Variants in CCDC66 observed in about 807,000 individuals in gnomAD.
CCDC66 encodes coiled-coil domain containing 66.
In CCDC66, 133 loss-of-function variants were observed where a neutral mutation model predicts 128.3. The observed-to-expected ratio is 1.04, with a 90% CI of 0.90 to 1.20. CCDC66 has a LOEUF of 1.20. CCDC66 is among the 50% of genes most tolerant of loss of function. The probability of loss-of-function intolerance (pLI) is 0.00; values close to 1 mark genes in which losing one functional copy is unlikely to be tolerated. For synonymous variants in CCDC66, 387 were observed against 357.0 expected, an observed-to-expected ratio of 1.08 and a Z score of -0.95; for missense variants, 1,126 against 1,075.5, an observed-to-expected ratio of 1.05 and a Z score of -0.66.
chr3:56,565,752 C>T lies in CCDC66; in HGVS notation c.545-842C>T, dbSNP rs1305522110. Among the ~76,000 whole-genome samples the T allele has an allele frequency of 4.0e-5, 6 of 150,310 alleles. No homozygotes were observed. The South Asian group carries it at 8.5e-4, about 21-fold the overall frequency. ...TGCGATCTCGGCTCACTGCAAGCTC[C>T]GCCTCCCAGGTTCACGCCATTCTCC... On this transcript the variant is annotated intron_variant, in intron 4 of 17. Transcript: ENST00000394672.
At chr3:56,599,527 AT>A (rs1432858574) in intron 10 of CCDC66, among the ~76,000 whole-genome samples, 12 of 151,914 alleles carry the variant, frequency 7.9e-5, no homozygotes, top group African/African-American at 2.7e-4. Context: ...ATAGGCACTT[AT>A]TGCTAAAATT....
chr3:56,572,292 G>A, intron 7 of CCDC66: 2 of 1,114,304 alleles, frequency 1.8e-6, no homozygotes, highest in Non-Finnish European at 2.4e-6. Context: ...TTTGGGTAAA[G>A]AAACAGTGTC....
chr3:56,612,216 G>A (rs1441736064), intron 10 of CCDC66, among the ~76,000 whole-genome samples: 1 of 152,202 alleles, frequency 6.6e-6, no homozygotes, highest in African/African-American at 2.4e-5. Flanking sequence ...TGGTGGTTGG[G>A]TAGGCACTTT....
intron 7 of CCDC66, among the ~76,000 whole-genome samples, chr3:56,582,852 A>G (rs200041518): frequency 1.1e-5 from 1 of 91,172 alleles, no homozygotes; most frequent in African/African-American, 5.3e-5. Context: ...AACTTTCTTT[A>G]TTATTATTAT....
Position 56,576,869 on chromosome 3 carries a change from C to T in CCDC66, c.936+5567C>T, listed in dbSNP as rs555953848. On this transcript the variant is annotated intron_variant, in intron 7 of 17. Transcript: ENST00000394672. ...AAGTCTTTGCTATTGTGAATAGTGCCGCAGTAAACATACGTATGCATGTGT... is the reference window on the plus strand; with the variant it reads ...AAGTCTTTGCTATTGTGAATAGTGCTGCAGTAAACATACGTATGCATGTGT... Among the ~76,000 whole-genome samples the T allele has an allele frequency of 2.2e-4, 34 of 151,656 alleles. No individual in the cohort carries two copies. The South Asian group carries it at 5.6e-3, about 25-fold the overall frequency.
intron 7 of CCDC66, chr3:56,572,437 T>A (rs1234036638): frequency 1.6e-6 from 2 of 1,238,874 alleles, no homozygotes; most frequent in African/African-American, 3.1e-5. Flanking sequence ...AGGTAAGTCC[T>A]AAGTGTCAGT....
intron 14 of CCDC66, 149 bp from the exon 15 acceptor site, chr3:56,618,023 G>A (rs984130665): frequency 2.9e-5 from 20 of 678,572 alleles, no homozygotes; most frequent in Non-Finnish European, 4.9e-5. Flanking sequence ...TTTGACTCTG[G>A]AAAAAACTAT....
rs888692945 is a variant in CCDC66, at chr3:56,569,396, A to G, written c.815-1785A>G. On this transcript the variant is annotated intron_variant, in intron 6 of 17. Transcript: ENST00000394672. ...GAAGCTTTTACTCACGGTGGAAGGC[A>G]AAGGGGGAGCAGGCATTTTACATGG... 7.0e-5 allele frequency: 20 copies of G among 287,280 alleles called. No individual in the cohort carries two copies. In the East Asian group the frequency reaches 1.8e-3, roughly 25 times the overall value. The allele number at this position is 287,280 out of a possible 1,614,324, so 17.8% of individuals were successfully genotyped here. A position where few individuals can be genotyped will look rare whatever the true frequency, so the allele number is the denominator to read the frequency against.
chr3:56,589,822 A>G (rs2070536298), intron 7 of CCDC66, among the ~76,000 whole-genome samples: 1 of 152,180 alleles, frequency 6.6e-6, no homozygotes, highest in African/African-American at 2.4e-5. Context: ...TAATTAGACA[A>G]CCCAATTTTT....
chr3:56,594,839 T>G lies in CCDC66; in HGVS notation c.1404+811T>G, dbSNP rs73081856. Among the ~76,000 whole-genome samples the G allele has an allele frequency of 1.4e-3, 213 of 152,366 alleles. 2 individuals carry two copies. The highest frequency in any genetic ancestry group is 2.9e-3 in the Admixed American group (45 of 15,306). On this transcript the variant is annotated intron_variant, in intron 10 of 17. Transcript: ENST00000394672. ...TATGAATTTGGCATCATTAATGTTA[T>G]GCTTAGTCAGTGAGCAGACATTTGC...
At chr3:56,586,762 A>G (rs533843279) in intron 7 of CCDC66, among the ~76,000 whole-genome samples, 1 of 151,962 alleles carries the variant, frequency 6.6e-6, no homozygotes, top group African/African-American at 2.4e-5. Flanking sequence ...ATTAAAAATT[A>G]TGGGCTGGAT....
At chr3:56,615,402 C>A in intron 12 of CCDC66, 130 bp downstream of exon 12, 1 of 820,384 alleles carries the variant, frequency 1.2e-6, no homozygotes, top group Non-Finnish European at 1.8e-6. Context: ...GCCATCACAG[C>A]TCACTGCAAC....
chr3:56,593,078 G>A lies in CCDC66; in HGVS notation c.1045G>A (p.Glu349Lys). 2 of 1,599,770 alleles carry A rather than the reference G, an allele frequency of 1.3e-6. No homozygotes were observed. Among genetic ancestry groups the A allele is most frequent in the East Asian group, 2.2e-5 (1 of 44,652 alleles). The change falls in exon 8 of 18, where the codon GAG (glutamate) becomes AAG (lysine). Residue 349 changes from glutamate (E) to lysine (K), a missense_variant. Coordinates refer to ENST00000394672, the MANE Select transcript of CCDC66 (RefSeq NM_001141947.3). The part of the protein sequence containing the change: ...QIEDDRQRKI[E>K]EKIIYSKGEE... ...AGAAGATGACCGTCAAAGAAAAATAGAGGAAAAAATTATATATTCAAAGGT... is the reference window on the plus strand; with the variant it reads ...AGAAGATGACCGTCAAAGAAAAATAAAGGAAAAAATTATATATTCAAAGGT...
chr3:56,565,174 T>C (rs1188838413), intron 4 of CCDC66: 2 of 421,790 alleles, frequency 4.7e-6, no homozygotes, highest in African/African-American at 2.0e-5. Context: ...TTCCACTGAT[T>C]TCACAGCTAA....
chr3:56,594,435 CCAG>C (rs1378735538), intron 10 of CCDC66, among the ~76,000 whole-genome samples: 1 of 151,798 alleles, frequency 6.6e-6, no homozygotes, highest in Non-Finnish European at 1.5e-5. Flanking sequence ...GCCTGTAATC[CCAG>C]CACTTTGGGA....
chr3:56,580,561 C>T (rs2068182104), intron 7 of CCDC66, among the ~76,000 whole-genome samples: 1 of 151,776 alleles, frequency 6.6e-6, no homozygotes, highest in Non-Finnish European at 1.5e-5. Flanking sequence ...TTGTTCCTTT[C>T]CATGTTTAGT....
In CCDC66 at chr3:56,617,331, A is replaced by G; in HGVS notation, c.2063A>G (p.Glu688Gly). The G allele has an allele frequency of 6.2e-7, 1 of 1,612,784 alleles. No individual in the cohort carries two copies. Among genetic ancestry groups the G allele is most frequent in the Non-Finnish European group, 8.5e-7 (1 of 1,179,730 alleles). Residue 688 changes from glutamate (E) to glycine (G), a missense_variant, in exon 14 of 18, where the codon GAG (glutamate) becomes GGG (glycine). Coordinates refer to ENST00000394672, the MANE Select transcript of CCDC66 (RefSeq NM_001141947.3). ...CAGTGTAATCAGTTCACAAGAATAG[A>G]GAAACAAACAAAACACATGAAGAAA... ...NDQCNQFTRI[E>G]KQTKHMKKYP...
chr3:56,619,944 G>C, intron 17 of CCDC66, 43 bp downstream of exon 17: 1 of 1,590,490 alleles, frequency 6.3e-7, no homozygotes, highest in Non-Finnish European at 8.6e-7. Flanking sequence ...TCTTTATGTG[G>C]CGTGGGCGGT....
chr3:56,582,062 C>G (rs1256459442), intron 7 of CCDC66, among the ~76,000 whole-genome samples: 1 of 151,902 alleles, frequency 6.6e-6, no homozygotes, highest in Non-Finnish European at 1.5e-5. Context: ...GTGGGCTCCA[C>G]CCAGTCCGAG....
Sources: allele counts gnomAD v4.1 joint callset (sites outside exome capture counted in the v4.1 genomes callset), GRCh38; gene constraint gnomAD v4.1.1; transcripts MANE v1.5; gene names NCBI Gene and HGNC (gene_info 2026-07-23, HGNC 2026-07-21).